Variants in PCDH15 observed in about 807,000 individuals in gnomAD.
PCDH15 encodes the protein protocadherin related 15.
In PCDH15, 129 loss-of-function variants were observed where a neutral mutation model predicts 178.5. That is an observed-to-expected ratio of 0.72 (90% CI 0.63 to 0.84). PCDH15 has a LOEUF of 0.84. Among genes scored for constraint, PCDH15 ranks in the 40% least tolerant of loss-of-function variants. The probability of loss-of-function intolerance (pLI) is 0.00; values close to 1 mark genes in which losing one functional copy is unlikely to be tolerated. For synonymous variants in PCDH15, 800 were observed against 732.0 expected (o/e 1.09, Z -1.50); for missense variants, 2,230 against 2,099.9 (o/e 1.06, Z -1.21).
intron 2 of PCDH15, among the ~76,000 whole-genome samples, chr10:54,552,995 T>C (rs567130612): frequency 6.6e-6 from 1 of 152,324 alleles, no homozygotes; most frequent in South Asian, 2.1e-4. Flanking sequence ...TTCTAAATTA[T>C]TATGTCATGG....
chr10:54,730,358 T>C (rs1352344408), intron 1 of PCDH15, among the ~76,000 whole-genome samples: 1 of 151,568 alleles, frequency 6.6e-6, no homozygotes, highest in Admixed American at 6.6e-5. Flanking sequence ...TGAGTACACA[T>C]GGATACAGAC....
chr10:55,070,783 C>G (rs1354311674), intron 2 of PCDH15, among the ~76,000 whole-genome samples: 1 of 151,930 alleles, frequency 6.6e-6, no homozygotes, highest in South Asian at 2.1e-4. Flanking sequence ...TCCATATGAA[C>G]TTTAAAGTAG....
At chr10:55,388,967 T>C (rs754478882) in intron 2 of PCDH15, among the ~76,000 whole-genome samples, 13 of 152,278 alleles carry the variant, frequency 8.5e-5, no homozygotes, top group Non-Finnish European at 1.6e-4. Context: ...ATGATAATTG[T>C]GGGAAATCAC....
chr10:54,358,714 A>G (rs1474331338), intron 5 of PCDH15, among the ~76,000 whole-genome samples: 1 of 152,156 alleles, frequency 6.6e-6, no homozygotes, highest in East Asian at 1.9e-4. Flanking sequence ...ATGCACATGT[A>G]TGTTTACTGC....
At chr10:54,837,209 T>C (rs546200252) in intron 3 of PCDH15, among the ~76,000 whole-genome samples, 12 of 152,258 alleles carry the variant, frequency 7.9e-5, no homozygotes, top group African/African-American at 2.9e-4. Context: ...GTAGACAATG[T>C]CTACGAATTT....
chr10:55,192,933 A>G (rs976621273), intron 1 of PCDH15, among the ~76,000 whole-genome samples: 16 of 150,772 alleles, frequency 1.1e-4, no homozygotes, highest in Non-Finnish European at 1.9e-4. Context: ...GAAAAAATAG[A>G]TATAAAATAT....
chr10:54,437,235 G>A (rs1200372601), intron 3 of PCDH15, among the ~76,000 whole-genome samples: 2 of 152,136 alleles, frequency 1.3e-5, no homozygotes, highest in Non-Finnish European at 2.9e-5. Context: ...ATATCCTGCA[G>A]AGTTGCTAGA....
At chr10:54,219,592 C>CAAAAA (rs763785938) in intron 9 of PCDH15, among the ~76,000 whole-genome samples, 30 of 32,324 alleles carry the variant, frequency 9.3e-4, no homozygotes, top group African/African-American at 1.1e-3. Context: ...GACTCCATCT[C>CAAAAA]AAAAAAAAAA....
At chr10:53,932,565 C>T (rs1378015886) in intron 25 of PCDH15, among the ~76,000 whole-genome samples, 1 of 152,156 alleles carries the variant, frequency 6.6e-6, no homozygotes, top group African/African-American at 2.4e-5. Flanking sequence ...TATATTTCCC[C>T]AGCCATTGTA....
chr10:54,557,907 T>C (rs541458603), intron 2 of PCDH15, among the ~76,000 whole-genome samples: 1 of 152,288 alleles, frequency 6.6e-6, no homozygotes, highest in African/African-American at 2.4e-5. Context: ...TGGCTTAGAA[T>C]GTAAAATACT....
At chr10:54,334,714 C>CAT (rs10692821) in intron 6 of PCDH15, among the ~76,000 whole-genome samples, 28 of 147,298 alleles carry the variant, frequency 1.9e-4, no homozygotes, top group Admixed American at 5.4e-4. Context: ...CACACACACA[C>CAT]GTGTATATAT....
intron 2 of PCDH15, among the ~76,000 whole-genome samples, chr10:54,570,666 T>G (rs1053936998): frequency 6.6e-6 from 1 of 152,078 alleles, no homozygotes; most frequent in African/African-American, 2.4e-5. Context: ...TTTTCCTTTC[T>G]TTTTTGAGAT....
intron 2 of PCDH15, among the ~76,000 whole-genome samples, chr10:54,928,753 G>A (rs1356745271): frequency 6.6e-6 from 1 of 152,070 alleles, no homozygotes; most frequent in Non-Finnish European, 1.5e-5. Context: ...TAAAATTCTT[G>A]TAGTGTGTTT....
chr10:54,265,365 G>T (rs2057603997), intron 8 of PCDH15, among the ~76,000 whole-genome samples: 1 of 151,774 alleles, frequency 6.6e-6, no homozygotes, highest in South Asian at 2.1e-4. Flanking sequence ...ACACAATTGA[G>T]ACTGCAAAGA....
chr10:55,362,552 A>G (rs1382203031), intron 2 of PCDH15, among the ~76,000 whole-genome samples: 2 of 152,178 alleles, frequency 1.3e-5, no homozygotes, highest in Non-Finnish European at 2.9e-5. Context: ...TAATGGTAAT[A>G]TCTTGTGTAA....
At chr10:55,252,483 A>G (rs538722906) in intron 1 of PCDH15, among the ~76,000 whole-genome samples, 2 of 152,252 alleles carry the variant, frequency 1.3e-5, no homozygotes, top group East Asian at 1.9e-4. Context: ...AAATATTGGA[A>G]CTGATCACAG....
At chr10:54,985,725 T>C (rs1425035552) in intron 2 of PCDH15, among the ~76,000 whole-genome samples, 3 of 152,190 alleles carry the variant, frequency 2.0e-5, no homozygotes, top group Non-Finnish European at 4.4e-5. Context: ...CAAAGTAAAG[T>C]CTTTACTGAA....
chr10:54,319,944 T>C (rs140894882), intron 7 of PCDH15, among the ~76,000 whole-genome samples: 95 of 152,208 alleles, frequency 6.2e-4, no homozygotes, highest in African/African-American at 2.2e-3. Context: ...TACAACCTTG[T>C]CTAGAATGTA....
chr10:53,892,496 C>T (rs768336808), intron 26 of PCDH15, among the ~76,000 whole-genome samples: 3 of 151,766 alleles, frequency 2.0e-5, no homozygotes, highest in Non-Finnish European at 4.4e-5. Context: ...TTTGGTGTCC[C>T]TTCTACAATA....
Sources: allele counts gnomAD v4.1 joint callset (sites outside exome capture counted in the v4.1 genomes callset), GRCh38; gene constraint gnomAD v4.1.1; transcripts MANE v1.5; gene names NCBI Gene and HGNC (gene_info 2026-07-23, HGNC 2026-07-21).